Variants in EEIG2 observed in about 807,000 individuals in gnomAD.
EEIG2 encodes the protein EEIG family member 2.
the EEIG2 span, among the ~76,000 whole-genome samples, chr1:108,600,934 TGTTA>T: frequency 6.6e-6 from 1 of 152,130 alleles, no homozygotes; most frequent in African/African-American, 2.4e-5. Flanking sequence ...ATCTTACTTG[TGTTA>T]GTTTGGGGAC....
the EEIG2 span, among the ~76,000 whole-genome samples, chr1:108,576,990 T>C: frequency 1.3e-5 from 2 of 150,950 alleles, no homozygotes; most frequent in East Asian, 3.9e-4. Context: ...ACTGCCATTC[T>C]AACTGGTGTG....
the EEIG2 span, among the ~76,000 whole-genome samples, chr1:108,624,395 A>G: frequency 1.3e-5 from 2 of 150,996 alleles, no homozygotes; most frequent in Non-Finnish European, 2.9e-5. Flanking sequence ...CTCTCTTTTT[A>G]GGACTCTATG....
chr1:108,625,774 CTGTGTGTGTGTGTGTGTGTGTGTGTG>C, the EEIG2 span: 1 of 23,220 alleles, frequency 4.3e-5, no homozygotes, highest in Non-Finnish European at 2.8e-4. Context: ...CTCTCTCTCT[CTGTGTGTGTGTGTGTGTGTGTGTGTG>C]TGTGTGTGTG....
the EEIG2 span, among the ~76,000 whole-genome samples, chr1:108,631,674 A>G: frequency 6.6e-6 from 1 of 152,218 alleles, no homozygotes; most frequent in Non-Finnish European, 1.5e-5. Context: ...TATAGCAATT[A>G]TAGGTAGCAT....
chr1:108,629,991 A>T, the EEIG2 span, among the ~76,000 whole-genome samples: 14 of 152,298 alleles, frequency 9.2e-5, no homozygotes, highest in African/African-American at 3.4e-4. Context: ...ATTTTTTATT[A>T]ATTTATTTTC....
the EEIG2 span, among the ~76,000 whole-genome samples, chr1:108,600,839 C>T: frequency 6.6e-6 from 1 of 151,822 alleles, no homozygotes; most frequent in Non-Finnish European, 1.5e-5. Context: ...AATACCATGG[C>T]AAATATGATG....
chr1:108,585,922 G>A, the EEIG2 span, among the ~76,000 whole-genome samples: 24 of 151,908 alleles, frequency 1.6e-4, no homozygotes, highest in East Asian at 2.1e-3. Context: ...TTGGTGACCC[G>A]AACATATTCT....
the EEIG2 span, chr1:108,637,497 G>A: frequency 1.3e-5 from 2 of 151,816 alleles, no homozygotes; most frequent in African/African-American, 4.8e-5. Context: ...GAAAAAATCT[G>A]TTTATTAAAT....
At chr1:108,634,573 T>G in the EEIG2 span, among the ~76,000 whole-genome samples, 2 of 152,180 alleles carry the variant, frequency 1.3e-5, no homozygotes, top group Non-Finnish European at 2.9e-5. Flanking sequence ...CTCATGCCTG[T>G]AATCCAGCAC....
chr1:108,573,499 T>G, the EEIG2 span, among the ~76,000 whole-genome samples: 2 of 152,206 alleles, frequency 1.3e-5, no homozygotes, highest in Non-Finnish European at 2.9e-5. Flanking sequence ...CAGTCTTTGT[T>G]AGGGCCTTTA....
the EEIG2 span, among the ~76,000 whole-genome samples, chr1:108,596,775 G>A: frequency 2.0e-5 from 3 of 149,882 alleles, no homozygotes; most frequent in South Asian, 6.3e-4. Context: ...ATCTTGCTCT[G>A]TCACCCAGAC....
chr1:108,603,785 A>C, the EEIG2 span, among the ~76,000 whole-genome samples: 7 of 152,234 alleles, frequency 4.6e-5, no homozygotes, highest in African/African-American at 1.7e-4. Flanking sequence ...TTAAAAAAGC[A>C]GCAAATTAAA....
chr1:108,620,252 C>T, the EEIG2 span, among the ~76,000 whole-genome samples: 7 of 152,250 alleles, frequency 4.6e-5, no homozygotes, highest in African/African-American at 1.7e-4. Flanking sequence ...TATAGCAGAT[C>T]CTTAGTCTCA....
chr1:108,568,063 T>C, the EEIG2 span, among the ~76,000 whole-genome samples: 1 of 151,836 alleles, frequency 6.6e-6, no homozygotes, highest in Admixed American at 6.6e-5. Flanking sequence ...TTTTTCAAGA[T>C]GTGGCTTTGT....
chr1:108,588,185 T>C, the EEIG2 span, among the ~76,000 whole-genome samples: 10 of 152,190 alleles, frequency 6.6e-5, no homozygotes, highest in African/African-American at 1.2e-4. Flanking sequence ...GGTGCAGATA[T>C]CTCTTCAAAA....
the EEIG2 span, among the ~76,000 whole-genome samples, chr1:108,611,491 C>T: frequency 2.0e-5 from 3 of 152,124 alleles, no homozygotes; most frequent in Non-Finnish European, 4.4e-5. Flanking sequence ...TTGAGCTGAA[C>T]ATCTGACAGC....
At chr1:108,631,083 A>G in the EEIG2 span, 1 of 353,012 alleles carries the variant, frequency 2.8e-6, no homozygotes, top group Non-Finnish European at 5.8e-6. Context: ...AGTAATGTGA[A>G]AAAGGATTTA....
the EEIG2 span, among the ~76,000 whole-genome samples, chr1:108,584,040 CAATG>C: frequency 1.3e-5 from 2 of 151,988 alleles, no homozygotes; most frequent in African/African-American, 4.8e-5. Flanking sequence ...AGAAAAGTTT[CAATG>C]GAGTTGTAGG....
chr1:108,597,603 T>A, the EEIG2 span, among the ~76,000 whole-genome samples: 3 of 152,228 alleles, frequency 2.0e-5, no homozygotes, highest in Admixed American at 2.0e-4. Flanking sequence ...CTCTTGGCTT[T>A]TACTATTGCC....
Sources: gnomAD v4.1 joint callset for allele counts (sites outside exome capture counted in the v4.1 genomes callset) on GRCh38, gnomAD v4.1.1 for gene constraint, MANE v1.5 for transcripts, NCBI Gene and HGNC (gene_info 2026-07-23, HGNC 2026-07-21) for gene names.